Variants in UBE2E2 observed in about 807,000 individuals in gnomAD.
UBE2E2 encodes the protein ubiquitin conjugating enzyme E2 E2, also known as ubiquitin-conjugating enzyme E2 E2.
A neutral mutation model predicts 24.7 loss-of-function variants in UBE2E2; 6 were observed. That is an observed-to-expected ratio of 0.24 (90% CI 0.13 to 0.48). The LOEUF is 0.48. Ranked by LOEUF, UBE2E2 falls within the 20% of genes least tolerant of loss-of-function variation. UBE2E2 has a pLI of 0.99. For missense variants in UBE2E2, 169 were observed against 245.0 expected, an observed-to-expected ratio of 0.69 and a Z score of 2.07; for synonymous variants, 104 against 83.6, an observed-to-expected ratio of 1.24 and a Z score of -1.33.
intron 3 of UBE2E2, among the ~76,000 whole-genome samples, chr3:23,264,736 A>T (rs1408862739): frequency 6.6e-6 from 1 of 152,214 alleles, no homozygotes; most frequent in Non-Finnish European, 1.5e-5. Flanking sequence ...TTTTGTATAT[A>T]CTTCAGAAAT....
chr3:23,504,288 G>A (rs184786750), intron 4 of UBE2E2, among the ~76,000 whole-genome samples: 1 of 152,168 alleles, frequency 6.6e-6, no homozygotes, highest in East Asian at 1.9e-4. Context: ...AGTTAGAAAG[G>A]GTGCCTAGTA....
chr3:23,311,219 G>A lies in UBE2E2; in HGVS notation c.227+93907G>A, dbSNP rs758139294. Among the ~76,000 whole-genome samples, 91 of 152,260 alleles carry A rather than the reference G, an allele frequency of 6.0e-4. 2 individuals are homozygous for A. The highest frequency in any genetic ancestry group is 1.2e-3 in the Non-Finnish European group (80 of 68,008). On this transcript the variant is annotated intron_variant, in intron 3 of 5. Transcript: ENST00000396703. ...TTTTTGTGGCTGCGTAGTATTCGAT[G>A]GTGTATATGTGCCACATTTTCTTAA...
At chr3:23,203,130 G>C, upstream of UBE2E2, 1 of 984,504 alleles carries the variant, frequency 1.0e-6, no homozygotes, top group Non-Finnish European at 1.2e-6. Context: ...GCGGACGGCC[G>C]GGCGGCGGCG....
chr3:23,364,000 G>A (rs373570749), intron 3 of UBE2E2, among the ~76,000 whole-genome samples: 1 of 149,610 alleles, frequency 6.7e-6, no homozygotes, highest in East Asian at 1.9e-4. Context: ...TTGCTCAAAA[G>A]CATACAATTA....
chr3:23,387,692 G>A (rs762287557), intron 3 of UBE2E2, among the ~76,000 whole-genome samples: 4 of 152,236 alleles, frequency 2.6e-5, no homozygotes, highest in Middle Eastern at 6.8e-3. Context: ...GCACTCAACC[G>A]TTGAAGTGTA....
At position 23,435,995 on chromosome 3, in the gene UBE2E2, C is replaced by T. The variant is rs138274654; in HGVS notation, c.228-63613C>T. Among the ~76,000 whole-genome samples the T allele has an allele frequency of 1.9e-4, 29 of 152,178 alleles. 1 individual carries two copies. Among genetic ancestry groups the T allele is most frequent in the African/African-American group, 7.0e-4 (29 of 41,524 alleles). On this transcript the variant is annotated intron_variant, in intron 3 of 5. Coordinates refer to ENST00000396703, the MANE Select transcript of UBE2E2 (RefSeq NM_152653.4). ...CATAAGGAGCGCACAGTCTAGATACCTCGCACGCACAGTTCACAATAGGAT... is the reference window on the plus strand; with the variant it reads ...CATAAGGAGCGCACAGTCTAGATACTTCGCACGCACAGTTCACAATAGGAT...
chr3:23,219,827 G>A (rs1300026704), intron 3 of UBE2E2, among the ~76,000 whole-genome samples: 1 of 152,130 alleles, frequency 6.6e-6, no homozygotes, highest in Non-Finnish European at 1.5e-5. Flanking sequence ...TACCTGTTTA[G>A]TCAGAGAGTG....
intron 5 of UBE2E2, among the ~76,000 whole-genome samples, chr3:23,556,785 A>T (rs899437511): frequency 1.3e-5 from 2 of 152,172 alleles, no homozygotes; most frequent in African/African-American, 4.8e-5. Flanking sequence ...AAATTAACTC[A>T]TAATAATCTA....
chr3:23,553,451 T>TC (rs1290212616), intron 5 of UBE2E2, among the ~76,000 whole-genome samples: 1 of 152,172 alleles, frequency 6.6e-6, no homozygotes, highest in Admixed American at 6.5e-5. Flanking sequence ...ATAGGGCCTT[T>TC]GTTTTGGTCG....
intron 3 of UBE2E2, among the ~76,000 whole-genome samples, chr3:23,224,616 T>C (rs1417543736): frequency 6.6e-6 from 1 of 152,154 alleles, no homozygotes; most frequent in African/African-American, 2.4e-5. Flanking sequence ...ATTTGACTTT[T>C]TCCTTTACAG....
intron 3 of UBE2E2, among the ~76,000 whole-genome samples, chr3:23,350,072 G>A (rs1040884173): frequency 5.9e-5 from 9 of 152,334 alleles, no homozygotes; most frequent in East Asian, 1.9e-4. Flanking sequence ...AGCATTTGCC[G>A]TTCACAAAAA....
intron 3 of UBE2E2, among the ~76,000 whole-genome samples, chr3:23,488,226 T>G (rs1699420292): frequency 6.6e-6 from 1 of 151,940 alleles, no homozygotes; most frequent in Admixed American, 6.5e-5. Flanking sequence ...TAATTAGACT[T>G]TAAGTTCTGG....
chr3:23,241,051 T>G (rs1319725360), intron 3 of UBE2E2, among the ~76,000 whole-genome samples: 1 of 152,222 alleles, frequency 6.6e-6, no homozygotes, highest in Non-Finnish European at 1.5e-5. Flanking sequence ...TAATAGGCAC[T>G]TCAACAAGTC....
chr3:23,524,869 C>CACAA (rs1241911957), intron 4 of UBE2E2, among the ~76,000 whole-genome samples: 2 of 150,450 alleles, frequency 1.3e-5, no homozygotes, highest in Non-Finnish European at 3.0e-5. Context: ...CACACAGACA[C>CACAA]ACACACACAC....
chr3:23,214,606 A>G (rs1210424666), intron 2 of UBE2E2, among the ~76,000 whole-genome samples: 3 of 151,760 alleles, frequency 2.0e-5, no homozygotes, highest in Non-Finnish European at 2.9e-5. Flanking sequence ...AAAGGGCAGT[A>G]TAAATATAAA....
At chr3:23,380,479 A>C (rs1055729791) in intron 3 of UBE2E2, among the ~76,000 whole-genome samples, 2 of 152,174 alleles carry the variant, frequency 1.3e-5, no homozygotes, top group South Asian at 2.1e-4. Context: ...TCCCGCCTCC[A>C]CCTGCCAGTG....
chr3:23,563,197 A>G (rs1275458654), intron 5 of UBE2E2, among the ~76,000 whole-genome samples: 7 of 151,874 alleles, frequency 4.6e-5, no homozygotes, highest in East Asian at 1.9e-4. Context: ...GCTTTCTCTT[A>G]TGGGCATTTA....
intron 4 of UBE2E2, among the ~76,000 whole-genome samples, chr3:23,515,034 A>G (rs888441435): frequency 4.6e-5 from 7 of 152,066 alleles, no homozygotes; most frequent in African/African-American, 7.2e-5. Context: ...GGCATGATCA[A>G]TGATTGTATG....
At position 23,227,175 on chromosome 3, in the gene UBE2E2, T is replaced by A. The variant is rs141030619; in HGVS notation, c.227+9863T>A. On this transcript the variant is annotated intron_variant, in intron 3 of 5. Transcript: ENST00000396703. ...TACGGATCTTAAAATTGATAATACA[T>A]CCCTCTTTATTTAGTTTGGCTGCCT... Among the ~76,000 whole-genome samples the A allele has an allele frequency of 2.5e-3, 387 of 152,282 alleles. 3 individuals carry two copies. The highest frequency in any genetic ancestry group is 8.9e-3 in the African/African-American group (370 of 41,550).
Sources: allele counts gnomAD v4.1 joint callset (sites outside exome capture counted in the v4.1 genomes callset), GRCh38; gene constraint gnomAD v4.1.1; transcripts MANE v1.5; gene names NCBI Gene and HGNC (gene_info 2026-07-23, HGNC 2026-07-21).